Variants in PLEC observed in about 807,000 individuals in gnomAD.
PLEC encodes the protein plectin.
PLEC carries 216 observed loss-of-function variants against 392.8 expected under a neutral mutation model. The ratio of observed to expected loss-of-function variants is 0.55; its 90% CI spans 0.49 to 0.62. The LOEUF (loss-of-function observed/expected upper bound fraction) is 0.62, where lower values mean the gene tolerates loss of function less well. PLEC is among the 20% of genes least tolerant of loss of function. The pLI is 0.00. For missense variants in PLEC, 6,863 were observed against 6,563.4 expected, an observed-to-expected ratio of 1.05 and a Z score of -1.58; for synonymous variants, 3,621 against 2,980.6, an observed-to-expected ratio of 1.21 and a Z score of -7.00.
rs782501731 is a variant in PLEC, at chr8:143,950,318, C to A, written c.389G>T (p.Gly130Val). Residue 130 changes from glycine (G) to valine (V), a missense_variant, in exon 1 of 32, where the codon GGG (glycine) becomes GTG (valine). Physicochemically the swap from Gly to Val is moderately radical, Grantham distance 109. Coordinates refer to the PLEC transcript ENST00000322810. ...CCGCTGCTCCTCCGTCGGCAGCGGC[C>A]CCCGCTTGGGTGGGGAGCCCAGGGG... 3.8e-6 allele frequency: 6 copies of A among 1,574,052 alleles called. No individual in the cohort carries two copies. Among genetic ancestry groups the A allele is most frequent in the Non-Finnish European group, 4.3e-6 (5 of 1,160,464 alleles).
Position 143,921,130 on chromosome 8 carries a change from A to G in PLEC, c.8691T>C (p.Thr2897=), listed in dbSNP as rs1554684138. The G allele has an allele frequency of 6.2e-7, 1 of 1,613,176 alleles. No homozygotes were observed. Among genetic ancestry groups the G allele is most frequent in the Non-Finnish European group, 8.5e-7 (1 of 1,180,032 alleles). Residue 2897 remains threonine, a synonymous_variant, in exon 32 of 32, where the codon ACT becomes ACC. Transcript: ENST00000345136. ...KAAKGGELVY[T]DSEARDVFEK... ...CAAAGACGTCCCGGGCCTCGGAGTC[A>G]GTGTAGACCAGCTCCCCGCCCTTGG...
At chr8:143,949,997 G>A (rs972917577) in intron 1 of PLEC, among the ~76,000 whole-genome samples, 1 of 152,176 alleles carries the variant, frequency 6.6e-6, no homozygotes, top group Non-Finnish European at 1.5e-5. Flanking sequence ...GAGGAGGAGG[G>A]GCCACATGGG....
In PLEC at chr8:143,916,114, G is replaced by A; in HGVS notation, c.*63C>T. ...AAGACACCTTTAAGCGTTGAAAACG[G>A]CCCCCGCGCCTCGGTGGGAGCCGGG... is the stretch of plus-strand genomic sequence containing the variant. On this transcript the variant is annotated 3_prime_UTR_variant, in exon 32 of 32. Coordinates refer to ENST00000345136, the MANE Select transcript of PLEC (RefSeq NM_201384.3). 2 of 1,283,204 alleles carry A rather than the reference G, an allele frequency of 1.6e-6. No individual in the cohort carries two copies. 79.5% of individuals were successfully genotyped at this position (1,283,204 alleles called of 1,614,324 possible).
In PLEC at chr8:143,917,671, G is replaced by T. The variant is rs373820615; in HGVS notation, c.12150C>A (p.Gly4050=). ...IRLLEAQIAT[G]GIIDPEESHR... is the part of the protein sequence containing the mutation. ...GGCTCTCCTCAGGGTCGATGATGCC[G>T]CCCGTGGCGATCTGGGCCTCCAGCA... Residue 4050 remains glycine, a synonymous_variant, in exon 32 of 32, where the codon GGC becomes GGA. Coordinates refer to ENST00000345136, the MANE Select transcript of PLEC (RefSeq NM_201384.3). The T allele has an allele frequency of 2.5e-6, 4 of 1,613,544 alleles. No homozygotes were observed. Among genetic ancestry groups the T allele is most frequent in the Non-Finnish European group, 3.4e-6 (4 of 1,180,012 alleles).
In PLEC at chr8:143,925,317, G is replaced by A. The variant is rs1278799449; in HGVS notation, c.4612C>T (p.Leu1538=). The change falls in exon 31 of 32, where the codon CTG becomes TTG. Residue 1538 remains leucine (L), a synonymous_variant. Coordinates refer to ENST00000345136, the MANE Select transcript of PLEC (RefSeq NM_201384.3). ...AREKQRALQA[L]EELRLQAEEA... ...TCCGCCTGCAGCCGCAGCTCCTCCA[G>A]GGCCTGCAGGGCCCGCTGCTTCTCG... 1 of 1,563,654 alleles carries A rather than the reference G, an allele frequency of 6.4e-7. No individual in the cohort carries two copies. The highest frequency in any genetic ancestry group is 1.1e-5 in the South Asian group (1 of 87,028).
intron 1 of PLEC, among the ~76,000 whole-genome samples, chr8:143,961,513 C>T (rs958480082): frequency 8.5e-5 from 13 of 152,150 alleles, no homozygotes; most frequent in Non-Finnish European, 1.6e-4. Flanking sequence ...CGTGAGCCAC[C>T]GCACCTGGCC....
At chr8:143,928,451 T>C (rs1400930981) in intron 25 of PLEC, among the ~76,000 whole-genome samples, 2 of 150,894 alleles carry the variant, frequency 1.3e-5, no homozygotes, top group Non-Finnish European at 3.0e-5. Flanking sequence ...GGTGGACCTG[T>C]GGTTTGCAAC....
Position 143,919,821 on chromosome 8 carries a change from C to A in PLEC, c.10000G>T (p.Gly3334Cys), listed in dbSNP as rs202003084. 1 of 1,613,110 alleles carries A rather than the reference C, an allele frequency of 6.2e-7. No individual in the cohort carries two copies. The highest frequency in any genetic ancestry group is 1.7e-5 in the Admixed American group (1 of 60,036). Residue 3334 changes from glycine to cysteine, a missense_variant, in exon 32 of 32, where the codon GGC becomes TGC. Gly to Cys is a radical substitution (Grantham distance 159). Coordinates refer to ENST00000345136, the MANE Select transcript of PLEC (RefSeq NM_201384.3). Reference protein sequence around the residue: ...SRAQFEQLKDGKTTVKDLSEL... With the variant: ...SRAQFEQLKDCKTTVKDLSEL... ...GAAAGGTCCTTGACCGTCGTCTTGC[C>A]GTCCTTGAGCTGCTCAAACTGGGCT...
In PLEC at chr8:143,919,741, G is replaced by A. The variant is rs781896242; in HGVS notation, c.10080C>T (p.Ile3360=). 1 of 1,608,938 alleles carries A rather than the reference G, an allele frequency of 6.2e-7. No individual in the cohort carries two copies. The highest frequency in any genetic ancestry group is 1.3e-5 in the African/African-American group (1 of 74,976). The change falls in exon 32 of 32, where the codon ATC becomes ATT. Residue 3360 remains isoleucine (I), a synonymous_variant. Transcript: ENST00000345136. ...LLQGSGCLAG[I]YLEDTKEKVS... is the part of the protein sequence containing the mutation. ...CCTTCTCCTTGGTGTCCTCCAGGTA[G>A]ATGCCGGCGAGGCAGCCACTGCCCT...
In PLEC at chr8:143,926,260, A is replaced by T. The variant is rs542348194; in HGVS notation, c.4045-376T>A. ...CAGTGGGCCTGGCTCCCACCACTGGACCCCTCTCCCCGACCAGGGTGGGAA... is the reference window on the plus strand; with the variant it reads ...CAGTGGGCCTGGCTCCCACCACTGGTCCCCTCTCCCCGACCAGGGTGGGAA... On this transcript the variant is annotated intron_variant, in intron 30 of 31. Transcript: ENST00000345136. 5.3e-5 allele frequency among the ~76,000 whole-genome samples: 8 copies of T among 152,040 alleles called. No individual in the cohort carries two copies. The South Asian group carries it at 1.7e-3, about 32-fold the overall frequency.
chr8:143,933,213 C>G lies in PLEC; in HGVS notation c.1402G>C (p.Glu468Gln), dbSNP rs781951806. The G allele has an allele frequency of 6.8e-6, 11 of 1,612,654 alleles. No homozygotes were observed. In the South Asian group the frequency reaches 1.2e-4, roughly 18 times the overall value. ...GGGGCCCACCTGCGGTACATCTGCT[C>G]GCCCTGCGGGTGCCGTCCATCCTTG... is the stretch of plus-strand genomic sequence containing the variant. ...TLKDGRHPQG[E>Q]QMYRRVYRLH... The change falls in exon 13 of 32, where the codon GAG becomes CAG. Residue 468 changes from glutamate (E) to glutamine (Q), a missense_variant. Coordinates refer to ENST00000345136, the MANE Select transcript of PLEC (RefSeq NM_201384.3).
At chr8:143,936,876 G>T in intron 5 of PLEC, 103 bp downstream of exon 5, 2 of 925,802 alleles carry the variant, frequency 2.2e-6, no homozygotes, top group Non-Finnish European at 1.7e-6. Context: ...TCACCTCCCA[G>T]GCCACGCCCT....
chr8:143,917,535 C>T lies in PLEC; in HGVS notation c.12286G>A (p.Glu4096Lys). The change falls in exon 32 of 32, where the codon GAG becomes AAG. Residue 4096 changes from glutamate to lysine, a missense_variant. Transcript: ENST00000345136. ...AGCTGCAGGTAGGTGAGGTTCTCCT[C>T]CGTGTTAGGGTCAAAGAAGCCCTTG... ...DTKGFFDPNT[E>K]ENLTYLQLME... 1 of 1,613,956 alleles carries T rather than the reference C, an allele frequency of 6.2e-7. No individual in the cohort carries two copies. Among genetic ancestry groups the T allele is most frequent in the Non-Finnish European group, 8.5e-7 (1 of 1,180,034 alleles).
upstream of PLEC, chr8:143,953,652 G>A: frequency 6.7e-7 from 1 of 1,497,486 alleles, no homozygotes. Context: ...CCGCCACCCT[G>A]CGTGGACTGC....
Position 143,918,799 on chromosome 8 carries a change from A to C in PLEC, c.11022T>G (p.Arg3674=), listed in dbSNP as rs1821474784. The change falls in exon 32 of 32, where the codon CGT becomes CGG. Residue 3674 remains arginine, a synonymous_variant. Coordinates refer to ENST00000345136, the MANE Select transcript of PLEC (RefSeq NM_201384.3). ...NLLREGTRSL[R]EALEAESAWC... ...AGGCGGACTCCGCCTCGAGAGCCTC[A>C]CGGAGGCTCCTGGTGCCCTCCCGGA... The C allele has an allele frequency of 1.9e-6, 3 of 1,613,124 alleles. No homozygotes were observed. The East Asian group carries it at 6.7e-5, about 36-fold the overall frequency.
chr8:143,936,211 C>T (rs1366093421), intron 5 of PLEC, among the ~76,000 whole-genome samples, 197 bp from the exon 6 acceptor site: 1 of 152,166 alleles, frequency 6.6e-6, no homozygotes, highest in African/African-American at 2.4e-5. Context: ...GCCTCGGGGC[C>T]ACAAGTCCAG....
rs55812715 is a variant in PLEC, at chr8:143,927,143, T to C, written c.3841-62A>G. 603,321 of 1,562,262 alleles carry C rather than the reference T, an allele frequency of 0.39. 123,125 individuals carry two copies. The highest frequency in any genetic ancestry group is 0.42 in the Non-Finnish European group (478,088 of 1,136,964). The stretch of plus-strand genomic sequence containing the variant: ...CCTCCGATGGCCCCTGCCCAGCCCC[T>C]AAACCCTCACATGGGCTTTCCCTGG... On this transcript the variant is annotated intron_variant, in intron 28 of 31. Transcript: ENST00000345136.
rs1827055565 is a variant in PLEC, at chr8:143,930,920, C to CT, written c.2305-385dup. ...GGCACACACCTGGGAGCTGCCGGCT[C>CT]TCCCCCCGGCCCAGCCCTGCCGACC... On this transcript the variant is annotated intron_variant, in intron 19 of 31. Transcript: ENST00000345136. 2.0e-5 allele frequency among the ~76,000 whole-genome samples: 3 copies of CT among 152,270 alleles called. No homozygotes were observed. In the South Asian group the frequency reaches 6.2e-4, roughly 32 times the overall value.
chr8:143,972,381 G>C (rs1208521452), intron 1 of PLEC, among the ~76,000 whole-genome samples: 1 of 152,242 alleles, frequency 6.6e-6, no homozygotes, highest in East Asian at 1.9e-4. Flanking sequence ...CTGTCAAAGA[G>C]AGCCACAGCA....
Sources: gnomAD v4.1 joint callset for allele counts (sites outside exome capture counted in the v4.1 genomes callset) on GRCh38, gnomAD v4.1.1 for gene constraint, MANE v1.5 for transcripts, NCBI Gene and HGNC (gene_info 2026-07-23, HGNC 2026-07-21) for gene names.